The following SYNDIG1 variants were observed in gnomAD, a reference collection of about 807,000 sequenced individuals.
SYNDIG1 encodes synapse differentiation inducing 1.
In SYNDIG1, 9 loss-of-function variants were observed where a neutral mutation model predicts 19.4. That is an observed-to-expected ratio of 0.46 (90% CI 0.28 to 0.81). The LOEUF is 0.81. Ranked by LOEUF, SYNDIG1 falls within the 30% of genes least tolerant of loss-of-function variation. The pLI is 0.12. For synonymous variants in SYNDIG1, 141 were observed against 145.9 expected (o/e 0.97, Z 0.24); for missense variants, 311 against 343.3 (o/e 0.91, Z 0.74).
intron 2 of SYNDIG1, among the ~76,000 whole-genome samples, chr20:24,580,576 T>C (rs1683272302): frequency 6.6e-6 from 1 of 152,022 alleles, no homozygotes; most frequent in Non-Finnish European, 1.5e-5. Context: ...AGCTCAGCTA[T>C]TTATATTTTT....
chr20:24,546,113 G>A (rs928930557), intron 2 of SYNDIG1, among the ~76,000 whole-genome samples: 4 of 152,148 alleles, frequency 2.6e-5, no homozygotes, highest in African/African-American at 4.8e-5. Flanking sequence ...GCCTCACCAC[G>A]GTGGTTAACT....
intron 1 of SYNDIG1, among the ~76,000 whole-genome samples, chr20:24,503,841 C>T (rs1192046133): frequency 6.6e-6 from 1 of 152,206 alleles, no homozygotes; most frequent in Non-Finnish European, 1.5e-5. Context: ...CCCTGCCACC[C>T]CCAGCGCCTA....
At position 24,543,410 on chromosome 20, in the gene SYNDIG1, G is replaced by C. The variant is rs1458847770; in HGVS notation, c.313G>C (p.Gly105Arg). 1.2e-6 allele frequency: 2 copies of C among 1,613,654 alleles called. No homozygotes were observed. Among genetic ancestry groups the C allele is most frequent in the Non-Finnish European group, 1.7e-6 (2 of 1,180,024 alleles). The change falls in exon 2 of 4, where the codon GGT (glycine) becomes CGT (arginine). Residue 105 changes from glycine (G) to arginine (R), a missense_variant. By Grantham distance (125) the Gly-to-Arg change is moderately radical. Transcript: ENST00000376862. ...GGGCGTGCTGCGCTCCTGGGGGGAC[G>C]GTGTGGCCGCCGACTGCTGCGAGAC... is the stretch of plus-strand genomic sequence containing the variant. ...SEGVLRSWGD[G>R]VAADCCETTF... is the part of the protein sequence containing the mutation.
chr20:24,585,377 T>C (rs1408739357), intron 3 of SYNDIG1, among the ~76,000 whole-genome samples: 1 of 152,186 alleles, frequency 6.6e-6, no homozygotes, highest in Non-Finnish European at 1.5e-5. Context: ...GTGGGCTACA[T>C]TGAACTTAAT....
At chr20:24,606,809 T>G (rs1018878239) in intron 3 of SYNDIG1, among the ~76,000 whole-genome samples, 1 of 152,208 alleles carries the variant, frequency 6.6e-6, no homozygotes, top group Admixed American at 6.5e-5. Flanking sequence ...GAAGGCTGTG[T>G]GCTCCTGTAT....
chr20:24,627,168 C>T (rs1199301901), intron 3 of SYNDIG1, among the ~76,000 whole-genome samples: 2 of 151,054 alleles, frequency 1.3e-5, no homozygotes, highest in Non-Finnish European at 2.9e-5. Context: ...AGAGCGAGAG[C>T]GAGAGCGAGA....
At chr20:24,493,865 G>T (rs1041697904) in intron 1 of SYNDIG1, among the ~76,000 whole-genome samples, 2 of 152,192 alleles carry the variant, frequency 1.3e-5, no homozygotes, top group African/African-American at 4.8e-5. Flanking sequence ...TGAGCCCCCC[G>T]GCTGGCCAAG....
chr20:24,613,610 C>T lies in SYNDIG1; in HGVS notation c.618+28617C>T, dbSNP rs563449526. Among the ~76,000 whole-genome samples, 4 of 152,214 alleles carry T rather than the reference C, an allele frequency of 2.6e-5. No homozygotes were observed. The East Asian group carries it at 5.8e-4, about 22-fold the overall frequency. On this transcript the variant is annotated intron_variant, in intron 3 of 3. Transcript: ENST00000376862. ...TTGGCACCTCCACACAGAGGCTCTC[C>T]CTTCATGCTTGCCCTCCTGACCGTG...
intron 3 of SYNDIG1, among the ~76,000 whole-genome samples, chr20:24,626,966 C>T (rs1182284944): frequency 1.3e-5 from 2 of 152,286 alleles, no homozygotes; most frequent in Non-Finnish European, 2.9e-5. Flanking sequence ...ATCGCAGGCA[C>T]TCGGCAGGCT....
chr20:24,517,875 G>A (rs560594261), intron 1 of SYNDIG1, among the ~76,000 whole-genome samples: 4 of 149,422 alleles, frequency 2.7e-5, no homozygotes, highest in South Asian at 2.1e-4. Context: ...GCACGATCTC[G>A]GCTCACTGCA....
chr20:24,626,763 C>G (rs1161880201), intron 3 of SYNDIG1, among the ~76,000 whole-genome samples: 2 of 152,234 alleles, frequency 1.3e-5, no homozygotes, highest in East Asian at 3.9e-4. Flanking sequence ...GAGATCACGC[C>G]ACTGCACTCC....
chr20:24,638,124 A>C (rs1600810186), intron 3 of SYNDIG1, among the ~76,000 whole-genome samples: 1 of 152,196 alleles, frequency 6.6e-6, no homozygotes, highest in South Asian at 2.1e-4. Flanking sequence ...GGCACGGCTC[A>C]CCTCTCAGTC....
At chr20:24,571,607 T>G (rs991423128) in intron 2 of SYNDIG1, among the ~76,000 whole-genome samples, 1 of 152,194 alleles carries the variant, frequency 6.6e-6, no homozygotes, top group Non-Finnish European at 1.5e-5. Context: ...GTCTTCAAAC[T>G]GTAACTAAAA....
chr20:24,495,432 C>T (rs573894178), intron 1 of SYNDIG1: 13 of 152,500 alleles, frequency 8.5e-5, no homozygotes, highest in African/African-American at 1.7e-4. Flanking sequence ...AGTCCCAGCC[C>T]GCTTCATCCA....
intron 3 of SYNDIG1, among the ~76,000 whole-genome samples, chr20:24,661,077 C>T (rs1462536766): frequency 1.3e-5 from 2 of 152,246 alleles, no homozygotes; most frequent in Non-Finnish European, 1.5e-5. Context: ...ACCGTCAGTC[C>T]TTCAAAATGC....
intron 2 of SYNDIG1, among the ~76,000 whole-genome samples, chr20:24,577,273 G>T (rs2058245027): frequency 6.6e-6 from 1 of 152,186 alleles, no homozygotes; most frequent in Non-Finnish European, 1.5e-5. Flanking sequence ...AGAACAAGGG[G>T]CCTCGAGATG....
chr20:24,628,521 G>C (rs1330344191), intron 3 of SYNDIG1, among the ~76,000 whole-genome samples: 1 of 152,232 alleles, frequency 6.6e-6, no homozygotes, highest in Non-Finnish European at 1.5e-5. Context: ...GGAGGAAAGC[G>C]TGGCATGGAC....
At chr20:24,603,516 G>A (rs997025774) in intron 3 of SYNDIG1, among the ~76,000 whole-genome samples, 10 of 152,156 alleles carry the variant, frequency 6.6e-5, no homozygotes, top group Non-Finnish European at 1.3e-4. Context: ...TGCCCTGAGT[G>A]GGACACTGCC....
intron 2 of SYNDIG1, among the ~76,000 whole-genome samples, chr20:24,547,687 A>G (rs1248303864): frequency 6.6e-6 from 1 of 152,204 alleles, no homozygotes; most frequent in Non-Finnish European, 1.5e-5. Context: ...ACACTGCTTC[A>G]TCCACTTCCC....
Sources: gnomAD v4.1 joint callset for allele counts (sites outside exome capture counted in the v4.1 genomes callset) on GRCh38, gnomAD v4.1.1 for gene constraint, MANE v1.5 for transcripts, NCBI Gene and HGNC (gene_info 2026-07-23, HGNC 2026-07-21) for gene names.